MTF1: variants seen among roughly 807,000 people sequenced by gnomAD.
MTF1 encodes the protein MRE-binding transcription factor.
MTF1 carries 22 observed loss-of-function variants against 70.4 expected under a neutral mutation model. The ratio of observed to expected loss-of-function variants is 0.31; its 90% CI spans 0.22 to 0.45. The LOEUF (loss-of-function observed/expected upper bound fraction) is 0.45, where lower values mean the gene tolerates loss of function less well. Ranked by LOEUF, MTF1 falls within the 20% of genes least tolerant of loss-of-function variation. MTF1 has a pLI of 1.00. For synonymous variants in MTF1, 333 were observed against 352.8 expected (o/e 0.94, Z 0.63); for missense variants, 649 against 922.0 (o/e 0.70, Z 3.83).
chr1:37,826,342 A>C (rs919499081), intron 7 of MTF1, among the ~76,000 whole-genome samples: 6 of 152,074 alleles, frequency 3.9e-5, no homozygotes, highest in African/African-American at 1.2e-4. Context: ...GCGGGAGTGC[A>C]GAGGCGCAGT....
At position 37,857,279 on chromosome 1, in the gene MTF1, G is replaced by A; in HGVS notation, c.380C>T (p.Ser127Leu). ...NIEGATLTLQ[S>L]ECPETKRKEV... ...TTTACGTTTTGTTTCCGGACATTCC[G>A]ACTGCAGAGTGAGGGTTGCACCTTC... The change falls in exon 2 of 11, where the codon TCG becomes TTG. Residue 127 changes from serine to leucine, a missense_variant. Ser to Leu is a moderately radical substitution (Grantham distance 145). This residue lies in a region of MTF1 where 118 missense variants were observed against 287.2 expected (regional missense o/e 0.41). Coordinates refer to ENST00000373036, the MANE Select transcript of MTF1 (RefSeq NM_005955.3). The A allele has an allele frequency of 2.5e-6, 4 of 1,613,266 alleles. No individual in the cohort carries two copies. Among genetic ancestry groups the A allele is most frequent in the Non-Finnish European group, 3.4e-6 (4 of 1,179,318 alleles).
intron 5 of MTF1, 98 bp from the exon 6 acceptor site, chr1:37,835,313 G>A: frequency 1.9e-6 from 2 of 1,044,580 alleles, no homozygotes; most frequent in South Asian, 1.5e-5. Context: ...GTATTTTTAA[G>A]AGAGTTTGGG....
chr1:37,817,490 A>G lies in MTF1; in HGVS notation c.1768-8T>C, dbSNP rs751651991. The stretch of plus-strand genomic sequence containing the variant: ...AACTTTAGATGCTTGCTGCTGAAAA[A>G]AGAAAAAGAAATCTCATTTATAGCC... On this transcript the variant is annotated splice_region_variant and splice_polypyrimidine_tract_variant and intron_variant, in intron 9 of 10. Transcript: ENST00000373036. 6.2e-7 allele frequency: 1 copy of G among 1,605,974 alleles called. No individual in the cohort carries two copies. Among genetic ancestry groups the G allele is most frequent in the South Asian group, 1.1e-5 (1 of 90,920 alleles).
chr1:37,842,548 C>A (rs560540007), intron 2 of MTF1, among the ~76,000 whole-genome samples: 2 of 152,168 alleles, frequency 1.3e-5, no homozygotes, highest in Non-Finnish European at 2.9e-5. Context: ...TGCCTTGGGG[C>A]ACTCTTTAAC....
chr1:37,815,069 T>C lies in MTF1; in HGVS notation c.*67A>G, dbSNP rs1640793489. 5.4e-6 allele frequency: 7 copies of C among 1,297,974 alleles called. No homozygotes were observed. Among genetic ancestry groups the C allele is most frequent in the South Asian group, 4.0e-5 (3 of 74,510 alleles). The allele number at this position is 1,297,974 out of a possible 1,614,324, so 80.4% of individuals were successfully genotyped here. ...CATCCTTCAAATTTCTGACCCATGA[T>C]GGCAGGCATTGTACCTCATGCCTCC... is the stretch of plus-strand genomic sequence containing the variant. On this transcript the variant is annotated 3_prime_UTR_variant, in exon 11 of 11. Coordinates refer to ENST00000373036, the MANE Select transcript of MTF1 (RefSeq NM_005955.3). The surrounding 1 kb of genome is among the most constrained non-coding windows in gnomAD (Gnocchi z 4.5).
chr1:37,820,436 C>T (rs929608876), intron 9 of MTF1, among the ~76,000 whole-genome samples: 4 of 152,244 alleles, frequency 2.6e-5, no homozygotes, highest in Admixed American at 2.6e-4. Flanking sequence ...AGCTTTGCCA[C>T]TTGTGAGCTC....
chr1:37,850,981 G>A (rs1258155748), intron 2 of MTF1, among the ~76,000 whole-genome samples: 1 of 152,072 alleles, frequency 6.6e-6, no homozygotes, highest in Non-Finnish European at 1.5e-5. Context: ...AGGAAAAGGA[G>A]TAAGGAAGAG....
chr1:37,831,998 T>TA (rs1213925804), intron 7 of MTF1, among the ~76,000 whole-genome samples: 4 of 151,606 alleles, frequency 2.6e-5, no homozygotes, highest in Admixed American at 6.6e-5. Context: ...GCTAAATGAG[T>TA]AAAAAAAAGA....
intron 2 of MTF1, among the ~76,000 whole-genome samples, chr1:37,848,859 G>A (rs118071657): frequency 2.0e-5 from 3 of 152,218 alleles, no homozygotes; most frequent in East Asian, 3.9e-4. Context: ...CTAAAAAGTC[G>A]GTAGTTCCCC....
chr1:37,822,796 A>G lies in MTF1; in HGVS notation c.1172-80T>C, dbSNP rs116329927. On this transcript the variant is annotated intron_variant, in intron 8 of 10. Coordinates refer to ENST00000373036, the MANE Select transcript of MTF1 (RefSeq NM_005955.3). The stretch of plus-strand genomic sequence containing the variant: ...CACAAAAACAGTCATTATGGGCTAA[A>G]CAAAACACAGCTGAAGTCCACTGAG... 896 of 983,790 alleles carry G rather than the reference A, an allele frequency of 9.1e-4. 5 individuals carry two copies. The African/African-American group carries it at 0.013, about 15-fold the overall frequency. 60.9% of individuals were successfully genotyped at this position (983,790 alleles called of 1,614,324 possible).
At chr1:37,831,807 T>C (rs1641091428) in intron 7 of MTF1, among the ~76,000 whole-genome samples, 1 of 152,040 alleles carries the variant, frequency 6.6e-6, no homozygotes, top group Admixed American at 6.6e-5. Flanking sequence ...ATAAATAAAA[T>C]TAAAATGAAA....
chr1:37,823,441 C>CA lies in MTF1; in HGVS notation c.1171+268dup, dbSNP rs35582059. ...TGGGTGACAAAATGAGACGCTGTCTCAAAAAAAAAAAAATGTAGAAGAAAA... is the reference window on the plus strand; with the variant it reads ...TGGGTGACAAAATGAGACGCTGTCTCAAAAAAAAAAAAAATGTAGAAGAAAA... On this transcript the variant is annotated intron_variant, in intron 8 of 10. Transcript: ENST00000373036. Among the ~76,000 whole-genome samples, 53 of 147,170 alleles carry CA rather than the reference C, an allele frequency of 3.6e-4. 1 individual carries two copies. Among genetic ancestry groups the CA allele is most frequent in the Admixed American group, 1.4e-3 (21 of 14,740 alleles).
chr1:37,844,005 C>T (rs1342725848), intron 2 of MTF1, among the ~76,000 whole-genome samples: 3 of 152,188 alleles, frequency 2.0e-5, no homozygotes, highest in Non-Finnish European at 2.9e-5. Flanking sequence ...AACTGAATTC[C>T]TTATTGAATC....
Position 37,826,858 on chromosome 1 carries a change from A to G in MTF1, c.1069-3046T>C, listed in dbSNP as rs74410635. 3.4e-3 allele frequency among the ~76,000 whole-genome samples: 525 copies of G among 152,174 alleles called. 2 individuals are homozygous for G. The highest frequency in any genetic ancestry group is 0.012 in the African/African-American group (503 of 41,512). On this transcript the variant is annotated intron_variant, in intron 7 of 10. Coordinates refer to ENST00000373036, the MANE Select transcript of MTF1 (RefSeq NM_005955.3). ...GCTGAGCATGGTGGTGCGTGCTTCA[A>G]ATCCTAGCTACTCGGGACGCTGAGG...
intron 6 of MTF1, chr1:37,834,729 A>C: frequency 2.1e-6 from 1 of 480,486 alleles, no homozygotes. Context: ...ATCAAGGATG[A>C]GCTGGCAGAC....
At chr1:37,826,015 CT>C (rs1216181614) in intron 7 of MTF1, among the ~76,000 whole-genome samples, 2 of 152,192 alleles carry the variant, frequency 1.3e-5, no homozygotes, top group African/African-American at 4.8e-5. Context: ...GCCAGCACCC[CT>C]AGCCCCTGTG....
intron 2 of MTF1, among the ~76,000 whole-genome samples, chr1:37,847,876 G>A (rs1176918761): frequency 1.3e-5 from 2 of 152,086 alleles, no homozygotes; most frequent in African/African-American, 4.8e-5. Flanking sequence ...GAGGTGGGAG[G>A]ATCGCTTGAG....
intron 9 of MTF1, among the ~76,000 whole-genome samples, chr1:37,819,106 G>A (rs913439236): frequency 6.6e-6 from 1 of 152,182 alleles, no homozygotes; most frequent in Non-Finnish European, 1.5e-5. Flanking sequence ...ACACCAGGAG[G>A]GCGGCCCTCC....
Position 37,815,307 on chromosome 1 carries a change from T to C in MTF1, c.2091A>G (p.Gln697=). 4 of 1,614,022 alleles carry C rather than the reference T, an allele frequency of 2.5e-6. No homozygotes were observed. Among genetic ancestry groups the C allele is most frequent in the Non-Finnish European group, 3.4e-6 (4 of 1,180,026 alleles). The change falls in exon 11 of 11, where the codon CAA becomes CAG. Residue 697 remains glutamine (Q), a synonymous_variant. Transcript: ENST00000373036. This position sits in a 1 kb window ranked among gnomAD's most constrained non-coding sequence, Gnocchi z 4.5. ...SSSTLPSSCE[Q]SRQAETPSDP... is the part of the protein sequence containing the mutation. Reference sequence around the variant, plus strand: ...CTGAAGGAGTCTCTGCTTGTCGGCTTTGCTCACAGGAGGAGGGCAAGGTAG... The same window carrying C: ...CTGAAGGAGTCTCTGCTTGTCGGCTCTGCTCACAGGAGGAGGGCAAGGTAG...
Sources: gnomAD v4.1 joint callset for allele counts (sites outside exome capture counted in the v4.1 genomes callset) on GRCh38, gnomAD v4.1.1 for gene constraint, gnomAD v4.1.1 regional missense constraint, Gnocchi (gnomAD v3.1) non-coding constraint, MANE v1.5 for transcripts, NCBI Gene and HGNC (gene_info 2026-07-23, HGNC 2026-07-21) for gene names.